SMOC2: variants seen among roughly 807,000 people sequenced by gnomAD.
SMOC2 encodes the protein SPARC-related modular calcium-binding protein 2.
A neutral mutation model predicts 61.4 loss-of-function variants in SMOC2; 39 were observed. The observed-to-expected ratio is 0.64, with a 90% CI of 0.49 to 0.83. The LOEUF is 0.83. Among genes scored for constraint, SMOC2 ranks in the 40% least tolerant of loss-of-function variants. SMOC2 has a pLI of 0.00. For missense variants in SMOC2, 556 were observed against 592.9 expected (o/e 0.94, Z 0.65); for synonymous variants, 247 against 239.9 (o/e 1.03, Z -0.27).
intron 11 of SMOC2, among the ~76,000 whole-genome samples, chr6:168,663,280 G>A (rs1311132670): frequency 1.3e-5 from 2 of 152,106 alleles, no homozygotes; most frequent in Non-Finnish European, 2.9e-5. Flanking sequence ...GCTGTGCAGA[G>A]GGCGGTGAAG....
At chr6:168,605,897 A>G (rs1284084468) in intron 8 of SMOC2, among the ~76,000 whole-genome samples, 1 of 152,148 alleles carries the variant, frequency 6.6e-6, no homozygotes. Context: ...CTCTATCCTC[A>G]GAGTCTACGT....
At chr6:168,562,618 C>T (rs1784447048) in intron 7 of SMOC2, among the ~76,000 whole-genome samples, 1 of 152,170 alleles carries the variant, frequency 6.6e-6, no homozygotes, top group Admixed American at 6.5e-5. Context: ...GCTAGATGAC[C>T]CGCCTGAGCT....
intron 7 of SMOC2, among the ~76,000 whole-genome samples, chr6:168,575,585 C>T (rs917783414): frequency 2.0e-5 from 3 of 152,100 alleles, no homozygotes; most frequent in South Asian, 2.1e-4. Context: ...AGTTTGAAGG[C>T]GGAGCCATGC....
In SMOC2 at chr6:168,441,275, G is replaced by C; in HGVS notation, c.-96G>C. The C allele has an allele frequency of 7.2e-7, 1 of 1,383,606 alleles. No individual in the cohort carries two copies. The highest frequency in any genetic ancestry group is 1.7e-5 in the South Asian group (1 of 59,788). 85.7% of individuals were successfully genotyped at this position (1,383,606 alleles called of 1,614,324 possible). A position where few individuals can be genotyped will look rare whatever the true frequency, so the allele number is the denominator to read the frequency against. On this transcript the variant is annotated 5_prime_UTR_variant, in exon 1 of 13. Coordinates refer to ENST00000356284, the MANE Select transcript of SMOC2 (RefSeq NM_001166412.2). The stretch of plus-strand genomic sequence containing the variant: ...GAGCATCGCGGAGCCGCCCCTCCAC[G>C]CGCCCGCCCAGCCGCGCTCGCCCAC...
chr6:168,458,524 G>A (rs1313569509), intron 1 of SMOC2, among the ~76,000 whole-genome samples: 1 of 152,192 alleles, frequency 6.6e-6, no homozygotes, highest in East Asian at 1.9e-4. Context: ...AGCCTCTTTG[G>A]AGTGCAGTAT....
In SMOC2 at chr6:168,467,136, AACACACACAC is replaced by A. The variant is rs10536582; in HGVS notation, c.84+25719_84+25728del. Among the ~76,000 whole-genome samples, 1,134 of 133,418 alleles carry A rather than the reference AACACACACAC, an allele frequency of 8.5e-3. 10 individuals carry two copies. Among genetic ancestry groups the A allele is most frequent in the African/African-American group, 0.028 (1,019 of 36,248 alleles). The allele number at this position is 133,418 out of a possible 152,430, so 87.5% of individuals were successfully genotyped here. A position where few individuals can be genotyped will look rare whatever the true frequency, so the allele number is the denominator to read the frequency against. ...TGTGCTTAACAAATCAGTGCTCTCA[AACACACACAC>A]ACACACACACACACACACACACACA... On this transcript the variant is annotated intron_variant, in intron 1 of 12. Transcript: ENST00000356284.
chr6:168,575,554 A>C (rs188807056), intron 7 of SMOC2, among the ~76,000 whole-genome samples: 3 of 152,286 alleles, frequency 2.0e-5, no homozygotes, highest in Non-Finnish European at 2.9e-5. Flanking sequence ...AGCTCCTCGC[A>C]GGGGGTGGGT....
At chr6:168,647,704 C>T (rs762112173) in intron 9 of SMOC2, among the ~76,000 whole-genome samples, 1 of 152,192 alleles carries the variant, frequency 6.6e-6, no homozygotes, top group African/African-American at 2.4e-5. Flanking sequence ...TGTGATTTCT[C>T]ATGCAGTGAA....
Position 168,600,579 on chromosome 6 carries a change from G to A in SMOC2, c.824+1575G>A, listed in dbSNP as rs548201944. On this transcript the variant is annotated intron_variant, in intron 8 of 12. Transcript: ENST00000356284. ...CTGGCTCTTCTGCCCCACTCACGCC[G>A]GACGGAATCTGAAAGGTGGCTCTGG... is the stretch of plus-strand genomic sequence containing the variant. Among the ~76,000 whole-genome samples, 11 of 152,232 alleles carry A rather than the reference G, an allele frequency of 7.2e-5. No individual in the cohort carries two copies. In the South Asian group the frequency reaches 1.2e-3, roughly 17 times the overall value.
intron 7 of SMOC2, among the ~76,000 whole-genome samples, chr6:168,580,791 C>T (rs908180865): frequency 3.3e-5 from 5 of 152,196 alleles, no homozygotes; most frequent in South Asian, 2.1e-4. Context: ...GATCCTCCTA[C>T]CTCAGCCTCC....
chr6:168,553,756 G>T lies in SMOC2; in HGVS notation c.637+4553G>T, dbSNP rs1784181807. ...CATCCAGGCTCACGGGACGGTTTCT[G>T]TATCACGGTTGCCATTTGCCACCAT... On this transcript the variant is annotated intron_variant, in intron 7 of 12. Transcript: ENST00000356284. The surrounding 1 kb of genome is among the most constrained non-coding windows in gnomAD (Gnocchi z 4.2). Among the ~76,000 whole-genome samples the T allele has an allele frequency of 6.6e-6, 1 of 152,210 alleles. No homozygotes were observed. The highest frequency in any genetic ancestry group is 2.4e-5 in the African/African-American group (1 of 41,448).
chr6:168,582,825 G>A (rs751803600), intron 7 of SMOC2, among the ~76,000 whole-genome samples: 2 of 152,168 alleles, frequency 1.3e-5, no homozygotes, highest in African/African-American at 2.4e-5. Flanking sequence ...CGACACGCAC[G>A]GGGAAGACCC....
chr6:168,534,731 T>C (rs376496509), intron 4 of SMOC2, among the ~76,000 whole-genome samples: 3 of 152,340 alleles, frequency 2.0e-5, no homozygotes, highest in African/African-American at 7.2e-5. Flanking sequence ...TGTTATACTT[T>C]AGTGTACATT....
intron 7 of SMOC2, among the ~76,000 whole-genome samples, chr6:168,586,531 A>G (rs2115166663): frequency 6.6e-6 from 1 of 152,296 alleles, no homozygotes; most frequent in Non-Finnish European, 1.5e-5. Flanking sequence ...AGAGCTTCCT[A>G]GGATTTCGGT....
chr6:168,470,838 A>G (rs951559708), intron 1 of SMOC2, among the ~76,000 whole-genome samples: 1 of 152,182 alleles, frequency 6.6e-6, no homozygotes, highest in Non-Finnish European at 1.5e-5. Context: ...TAATGAAGTC[A>G]TATTTGACAC....
chr6:168,549,231 A>G lies in SMOC2; in HGVS notation c.637+28A>G, dbSNP rs776751853. Reference sequence around the variant, plus strand: ...AAGATGCTGCCTGATGTCACTTTGTAAGGAGTGATTTAATAGATCTAGAAA... The same window carrying G: ...AAGATGCTGCCTGATGTCACTTTGTGAGGAGTGATTTAATAGATCTAGAAA... On this transcript the variant is annotated intron_variant, in intron 7 of 12. Coordinates refer to ENST00000356284, the MANE Select transcript of SMOC2 (RefSeq NM_001166412.2). 8.1e-6 allele frequency: 13 copies of G among 1,602,452 alleles called. No homozygotes were observed. The East Asian group carries it at 2.5e-4, about 30-fold the overall frequency.
At chr6:168,617,851 C>G (rs1002735898) in intron 9 of SMOC2, among the ~76,000 whole-genome samples, 2 of 152,368 alleles carry the variant, frequency 1.3e-5, no homozygotes, top group Admixed American at 6.5e-5. Flanking sequence ...ATGCATGGGA[C>G]TGTATCTCGC....
intron 9 of SMOC2, among the ~76,000 whole-genome samples, chr6:168,624,886 C>T (rs9346733): frequency 0.24 from 35,832 of 151,674 alleles, 4,823 homozygotes; most frequent in Admixed American, 0.37. Flanking sequence ...CACACACAAA[C>T]ACAGATACAT....
chr6:168,518,102 C>T (rs760477826), intron 2 of SMOC2, among the ~76,000 whole-genome samples: 2 of 152,242 alleles, frequency 1.3e-5, no homozygotes, highest in Non-Finnish European at 2.9e-5. Context: ...CTGCCCGTTC[C>T]TCGGAATTCC....
Sources: allele counts gnomAD v4.1 joint callset (sites outside exome capture counted in the v4.1 genomes callset), GRCh38; gene constraint gnomAD v4.1.1; non-coding constraint Gnocchi (gnomAD v3.1); transcripts MANE v1.5; gene names NCBI Gene and HGNC (gene_info 2026-07-23, HGNC 2026-07-21).